Variants in NUP155 observed in about 807,000 individuals in gnomAD.
The protein encoded by NUP155 is nuclear pore complex protein Nup155.
A neutral mutation model predicts 180.4 loss-of-function variants in NUP155; 71 were observed. The ratio of observed to expected loss-of-function variants is 0.39; its 90% CI spans 0.33 to 0.48. The LOEUF is 0.48. Ranked by LOEUF, NUP155 falls within the 20% of genes least tolerant of loss-of-function variation. NUP155 has a pLI of 0.91. For missense variants in NUP155, 1,553 were observed against 1,648.9 expected (o/e 0.94, Z 1.01); for synonymous variants, 582 against 559.5 (o/e 1.04, Z -0.57).
Position 37,370,936 on chromosome 5 carries a change from T to A in NUP155, c.42A>T (p.Thr14=). ...GAGCTTCCTGCAGGGCTGCGGCAGA[T>A]GTAGAGGCCGGCATCGCCGCGCCCA... ...SLLGAAMPAS[T]SAAALQEALE... is the part of the protein sequence containing the mutation. The change falls in exon 1 of 35, where the codon ACA becomes ACT. Residue 14 remains threonine, a synonymous_variant. Coordinates refer to ENST00000231498, the MANE Select transcript of NUP155 (RefSeq NM_153485.3). The A allele has an allele frequency of 1.2e-6, 2 of 1,614,140 alleles. No individual in the cohort carries two copies. Among genetic ancestry groups the A allele is most frequent in the Non-Finnish European group, 1.7e-6 (2 of 1,180,048 alleles).
intron 1 of NUP155, among the ~76,000 whole-genome samples, chr5:37,368,208 CCTTTT>C (rs1747728914): frequency 8.6e-6 from 1 of 115,862 alleles, no homozygotes; most frequent in Non-Finnish European, 1.7e-5. Context: ...CAGCGCCAGG[CCTTTT>C]TTTTTTTTTT....
intron 1 of NUP155, among the ~76,000 whole-genome samples, chr5:37,367,216 T>G (rs986599669): frequency 6.6e-6 from 1 of 151,880 alleles, no homozygotes; most frequent in African/African-American, 2.4e-5. Flanking sequence ...AGCTAATTTT[T>G]TTTTTGTTTT....
rs1159533221 is a variant in NUP155, at chr5:37,365,711, GAGAAAAAAAA to G, written c.158-1337_158-1328del. Among the ~76,000 whole-genome samples the G allele has an allele frequency of 6.2e-4, 21 of 34,012 alleles. 1 individual carries two copies. Among genetic ancestry groups the G allele is most frequent in the African/African-American group, 3.2e-3 (20 of 6,318 alleles). The allele number at this position is 34,012 out of a possible 152,430, so 22.3% of individuals were successfully genotyped here. On this transcript the variant is annotated intron_variant, in intron 1 of 34. Coordinates refer to ENST00000231498, the MANE Select transcript of NUP155 (RefSeq NM_153485.3). ...TGACAGAGCAAGACTCTGTCTCGGG[GAGAAAAAAAA>G]AAAAAAAAAAAAAAAAAATATATAT... is the stretch of plus-strand genomic sequence containing the variant.
chr5:37,315,748 G>T lies in NUP155; in HGVS notation c.2306-1420C>A, dbSNP rs759215267. Among the ~76,000 whole-genome samples the T allele has an allele frequency of 7.2e-5, 11 of 152,120 alleles. 1 individual carries two copies. ...ACCTGAGGTCAGGAGTTCAAGACCA[G>T]CCTGGCCAACATGGTGAAACCCCAA... On this transcript the variant is annotated intron_variant, in intron 21 of 34. Coordinates refer to ENST00000231498, the MANE Select transcript of NUP155 (RefSeq NM_153485.3).
rs892788273 is a variant in NUP155 at position 37,348,409 on chromosome 5, T to G, written c.995+96A>C. 38 of 843,470 alleles carry G rather than the reference T, an allele frequency of 4.5e-5. No individual in the cohort carries two copies. In the African/African-American group the frequency reaches 6.2e-4, roughly 14 times the overall value. The allele number at this position is 843,470 out of a possible 1,614,324, so 52.2% of individuals were successfully genotyped here. ...CAACATTCCTTGTCTTTTAGAGACA[T>G]TTTGATGAGGGAATAATATATACTT... On this transcript the variant is annotated intron_variant, in intron 9 of 34. Coordinates refer to ENST00000231498, the MANE Select transcript of NUP155 (RefSeq NM_153485.3).
chr5:37,293,031 T>G, intron 33 of NUP155, 46 bp from the exon 34 acceptor site: 1 of 1,250,742 alleles, frequency 8.0e-7, no homozygotes, highest in Non-Finnish European at 1.2e-6. Flanking sequence ...ATTGTGTCAA[T>G]TGATTATTTA....
chr5:37,305,019 A>G, intron 26 of NUP155, 38 bp downstream of exon 26: 3 of 1,607,502 alleles, frequency 1.9e-6, no homozygotes, highest in Middle Eastern at 4.1e-4. Context: ...ACTTCTAAAC[A>G]GTGTATTCTC....
Position 37,371,031 on chromosome 5 carries a change from A to C in NUP155, c.-54T>G. The C allele has an allele frequency of 6.3e-7, 1 of 1,588,298 alleles. No homozygotes were observed. Among genetic ancestry groups the C allele is most frequent in the Admixed American group, 1.7e-5 (1 of 59,676 alleles). Reference sequence around the variant, plus strand: ...AAAAAGTCAAAAACCAAGGAGAAACAAGAAAAGATCCAAGAAGTTAGCTTA... The same window carrying C: ...AAAAAGTCAAAAACCAAGGAGAAACCAGAAAAGATCCAAGAAGTTAGCTTA... On this transcript the variant is annotated 5_prime_UTR_variant, in exon 1 of 35. Coordinates refer to ENST00000231498, the MANE Select transcript of NUP155 (RefSeq NM_153485.3).
At chr5:37,349,268 A>G in intron 7 of NUP155, 23 bp from the exon 8 acceptor site, 2 of 745,802 alleles carry the variant, frequency 2.7e-6, no homozygotes, top group Non-Finnish European at 2.2e-6. Flanking sequence ...CAAAAAAAAA[A>G]AAGAGAAAAA....
At chr5:37,365,284 C>A (rs371743435) in intron 1 of NUP155, among the ~76,000 whole-genome samples, 1 of 126,236 alleles carries the variant, frequency 7.9e-6, no homozygotes, top group African/African-American at 2.6e-5. Flanking sequence ...AATAAATAAA[C>A]AAAATGAAAG....
chr5:37,328,382 A>C lies in NUP155; in HGVS notation c.1852T>G (p.Ser618Ala), dbSNP rs761060892. The stretch of plus-strand genomic sequence containing the variant: ...CCATGAGACGGTGTTCCCAAAAAGG[A>C]TGGATTTGGATAGGGACTACCACTA... The part of the protein sequence containing the change: ...VPSGSPYPNP[S>A]FLGTPSHGIQ... The change falls in exon 17 of 35, where the codon TCC becomes GCC. Residue 618 changes from serine to alanine, a missense_variant. Transcript: ENST00000231498. 1 of 1,609,984 alleles carries C rather than the reference A, an allele frequency of 6.2e-7. No homozygotes were observed. Among genetic ancestry groups the C allele is most frequent in the Non-Finnish European group, 8.5e-7 (1 of 1,176,266 alleles).
intron 29 of NUP155, 74 bp from the exon 30 acceptor site, chr5:37,301,624 ACTAT>A (rs1204139900): frequency 1.3e-5 from 12 of 905,218 alleles, no homozygotes; most frequent in Non-Finnish European, 5.6e-6. Flanking sequence ...AACGGATCCT[ACTAT>A]CTGACTTTAA....
At position 37,304,780 on chromosome 5, in the gene NUP155, T is replaced by C; in HGVS notation, c.3121A>G (p.Asn1041Asp). Residue 1041 changes from asparagine to aspartate, a missense_variant, in exon 27 of 35, where the codon AAT becomes GAT. Coordinates refer to ENST00000231498, the MANE Select transcript of NUP155 (RefSeq NM_153485.3). Reference sequence around the variant, plus strand: ...GCAAGGTCGACTTGTATTAGCCAATTATAAAGGGCAATACTAAAGAGCTCA... The same window carrying C: ...GCAAGGTCGACTTGTATTAGCCAATCATAAAGGGCAATACTAAAGAGCTCA... ...KDELFSIALYNWLIQVDLADK... is the reference protein window; with the variant it reads ...KDELFSIALYDWLIQVDLADK... The C allele has an allele frequency of 6.2e-7, 1 of 1,613,922 alleles. No individual in the cohort carries two copies. The highest frequency in any genetic ancestry group is 8.5e-7 in the Non-Finnish European group (1 of 1,179,870).
Position 37,304,755 on chromosome 5 carries a change from GCAAGGTCGA to G in NUP155, c.3137_3145del (p.Val1046_Leu1048del). 6.2e-7 allele frequency: 1 copy of G among 1,609,682 alleles called. No individual in the cohort carries two copies. Among genetic ancestry groups the G allele is most frequent in the Non-Finnish European group, 8.5e-7 (1 of 1,176,200 alleles). On this transcript the variant is annotated inframe_deletion, in exon 27 of 35. Coordinates refer to ENST00000231498, the MANE Select transcript of NUP155 (RefSeq NM_153485.3). ...AAGATTTACCTGTAGCAGCTTATCT[GCAAGGTCGA>G]CTTGTATTAGCCAATTATAAAGGGC...
intron 31 of NUP155, 50 bp from the exon 32 acceptor site, chr5:37,299,028 A>AC: frequency 3.0e-6 from 3 of 1,009,736 alleles, no homozygotes; most frequent in African/African-American, 1.6e-5. Flanking sequence ...TTTAATGTGA[A>AC]ATGTTTACAT....
chr5:37,288,771 A>AGGGGGGGTAG lies in NUP155; in HGVS notation c.*3128_*3129insCTACCCCCCC. 1 of 57,638 alleles carries AGGGGGGGTAG rather than the reference A, an allele frequency of 1.7e-5. No individual in the cohort carries two copies. The highest frequency in any genetic ancestry group is 5.6e-5 in the African/African-American group (1 of 17,810). The allele number at this position is 57,638 out of a possible 1,614,324, so 3.6% of individuals were successfully genotyped here. On this transcript the variant is annotated 3_prime_UTR_variant, in exon 35 of 35. Coordinates refer to ENST00000231498, the MANE Select transcript of NUP155 (RefSeq NM_153485.3). ...TTAAAAAAAAAAAAAAAAAAAAAGT[A>AGGGGGGGTAG]GGGGGGGTGGGGCTAGGCGCAGTGG...
At chr5:37,364,136 T>TA in intron 2 of NUP155, 111 bp downstream of exon 2, 1 of 1,137,756 alleles carries the variant, frequency 8.8e-7, no homozygotes. Context: ...GAATTTTAAA[T>TA]AAAACCCTTA....
intron 14 of NUP155, among the ~76,000 whole-genome samples, chr5:37,330,539 G>A (rs1744889212): frequency 6.6e-6 from 1 of 152,096 alleles, no homozygotes; most frequent in African/African-American, 2.4e-5. Flanking sequence ...GGAAACTGAA[G>A]CCCAGAGAAG....
At chr5:37,339,346 T>C (rs1025963219) in intron 11 of NUP155, among the ~76,000 whole-genome samples, 5 of 148,506 alleles carry the variant, frequency 3.4e-5, no homozygotes, top group African/African-American at 7.5e-5. Flanking sequence ...TCAACAAAAC[T>C]TGCCAACACG....
Sources: gnomAD v4.1 joint callset for allele counts (sites outside exome capture counted in the v4.1 genomes callset) on GRCh38, gnomAD v4.1.1 for gene constraint, MANE v1.5 for transcripts, NCBI Gene and HGNC (gene_info 2026-07-23, HGNC 2026-07-21) for gene names.